The following AP2B1 variants were observed in gnomAD, a reference collection of about 807,000 sequenced individuals.
The protein encoded by AP2B1 is AP-2 complex subunit beta.
Under a neutral mutation model 102.0 loss-of-function variants are expected in AP2B1, and 23 were observed. The ratio of observed to expected loss-of-function variants is 0.23; its 90% confidence interval spans 0.16 to 0.32. The LOEUF is 0.32. Among genes scored for constraint, AP2B1 ranks in the 10% least tolerant of loss-of-function variants. The pLI is 1.00. For synonymous variants in AP2B1, 381 were observed against 421.2 expected, an observed-to-expected ratio of 0.90 and a Z score of 1.17; for missense variants, 541 against 1,157.4, an observed-to-expected ratio of 0.47 and a Z score of 7.73.
intron 2 of AP2B1, among the ~76,000 whole-genome samples, chr17:35,597,878 G>A (rs77578912): frequency 0.024 from 3,676 of 152,234 alleles, 135 homozygotes; most frequent in East Asian, 0.19. Context: ...CTACGTTTAT[G>A]TTCTCCTCCA....
intron 20 of AP2B1, among the ~76,000 whole-genome samples, chr17:35,713,249 A>G (rs782516194): frequency 3.3e-5 from 5 of 152,204 alleles, no homozygotes; most frequent in Non-Finnish European, 5.9e-5. Context: ...TCCAAATACC[A>G]ATGAATCAGA....
chr17:35,603,618 G>A (rs1394144538), intron 3 of AP2B1, among the ~76,000 whole-genome samples: 1 of 152,162 alleles, frequency 6.6e-6, no homozygotes, highest in Non-Finnish European at 1.5e-5. Flanking sequence ...TTCTAGGTCT[G>A]GAATTAGAAA....
At position 35,717,199 on chromosome 17, in the gene AP2B1, T is replaced by A. The variant is rs1313367763; in HGVS notation, c.2631T>A (p.Thr877=). Residue 877 remains threonine (T), a synonymous_variant, in exon 21 of 22, where the codon ACT becomes ACA. Coordinates refer to ENST00000610402, the MANE Select transcript of AP2B1 (RefSeq NM_001030006.2). ...ATTTTGAATCTGTATTTCTAGACAC[T>A]GTTTCCAGCAAGTTGCAAAACAACA... is the stretch of plus-strand genomic sequence containing the variant. ...QIKECHLNAD[T]VSSKLQNNNV... The A allele has an allele frequency of 6.2e-7, 1 of 1,613,668 alleles. No individual in the cohort carries two copies. The highest frequency in any genetic ancestry group is 1.3e-5 in the African/African-American group (1 of 74,932).
intron 18 of AP2B1, among the ~76,000 whole-genome samples, chr17:35,703,652 G>A (rs2076283523): frequency 6.6e-6 from 1 of 152,112 alleles, no homozygotes; most frequent in Admixed American, 6.6e-5. Flanking sequence ...ACACAAAGAG[G>A]GGAATAGCAC....
At chr17:35,672,397 T>G (rs951414070) in intron 16 of AP2B1, among the ~76,000 whole-genome samples, 2 of 152,206 alleles carry the variant, frequency 1.3e-5, no homozygotes, top group African/African-American at 4.8e-5. Context: ...TAACCTTACT[T>G]GATGTCACTC....
chr17:35,634,105 C>T (rs1470152098), intron 9 of AP2B1, among the ~76,000 whole-genome samples: 1 of 152,222 alleles, frequency 6.6e-6, no homozygotes, highest in Non-Finnish European at 1.5e-5. Flanking sequence ...CAAGATCATG[C>T]CACTGCATTC....
chr17:35,658,317 C>T (rs2075280958), intron 14 of AP2B1, among the ~76,000 whole-genome samples: 1 of 139,532 alleles, frequency 7.2e-6, no homozygotes, highest in Non-Finnish European at 1.5e-5. Flanking sequence ...ACCTTTATTA[C>T]AGTTGGGAAG....
intron 18 of AP2B1, among the ~76,000 whole-genome samples, chr17:35,685,271 G>A (rs2075907486): frequency 6.6e-6 from 1 of 152,232 alleles, no homozygotes; most frequent in African/African-American, 2.4e-5. Flanking sequence ...TCTACTTAGT[G>A]TATGCTGGTG....
At chr17:35,633,692 G>A (rs2074527510) in intron 9 of AP2B1, among the ~76,000 whole-genome samples, 1 of 152,144 alleles carries the variant, frequency 6.6e-6, no homozygotes, top group African/African-American at 2.4e-5. Context: ...AAGTAGTCCA[G>A]TGTGTATATC....
intron 1 of AP2B1, among the ~76,000 whole-genome samples, chr17:35,589,359 C>A (rs1457037637): frequency 6.6e-6 from 1 of 152,148 alleles, no homozygotes; most frequent in East Asian, 1.9e-4. Context: ...TTTGTAAAGT[C>A]CCACTTTGTG....
intron 14 of AP2B1, among the ~76,000 whole-genome samples, chr17:35,658,353 C>A (rs1314762976): frequency 6.7e-6 from 1 of 148,538 alleles, no homozygotes; most frequent in Admixed American, 6.8e-5. Context: ...TCTTTTTTTC[C>A]CTTCTTCCCC....
At chr17:35,616,963 A>C (rs1348817074) in intron 5 of AP2B1, among the ~76,000 whole-genome samples, 1 of 152,234 alleles carries the variant, frequency 6.6e-6, no homozygotes, top group Non-Finnish European at 1.5e-5. Flanking sequence ...CTTCTATCGT[A>C]GGATTGTTGT....
At chr17:35,676,790 C>CT (rs2075711259) in intron 17 of AP2B1, among the ~76,000 whole-genome samples, 1 of 28,800 alleles carries the variant, frequency 3.5e-5, no homozygotes, top group South Asian at 6.2e-4. Flanking sequence ...GCATATTGGT[C>CT]ATATATATCT....
intron 18 of AP2B1, among the ~76,000 whole-genome samples, chr17:35,704,397 T>G (rs777251977): frequency 6.6e-6 from 1 of 152,204 alleles, no homozygotes; most frequent in Non-Finnish European, 1.5e-5. Context: ...GATTCTGTTA[T>G]GTATATGAAT....
intron 5 of AP2B1, among the ~76,000 whole-genome samples, chr17:35,618,428 G>A (rs1204689324): frequency 1.3e-5 from 2 of 152,156 alleles, no homozygotes; most frequent in African/African-American, 4.8e-5. Context: ...CAAAATAATT[G>A]TAAATTGAGC....
rs376379072 is a variant in AP2B1 at position 35,671,795 on chromosome 17, T to C, written c.2073T>C (p.Phe691=). 5 of 1,614,030 alleles carry C rather than the reference T, an allele frequency of 3.1e-6. No homozygotes were observed. Among genetic ancestry groups the C allele is most frequent in the Non-Finnish European group, 4.2e-6 (5 of 1,179,920 alleles). The change falls in exon 16 of 22, where the codon TTT becomes TTC. Residue 691 remains phenylalanine (F), a synonymous_variant. Transcript: ENST00000610402. The part of the protein sequence containing the change: ...SFIPSSVPAT[F]APSPTPAVVS... ...TCCCATCATCGGTGCCTGCAACCTT[T>C]GCTCCTTCACCTACACCTGCTGTGG...
chr17:35,710,440 G>T (rs1161509759), intron 20 of AP2B1, 120 bp downstream of exon 20: 1 of 670,820 alleles, frequency 1.5e-6, no homozygotes, highest in East Asian at 2.7e-5. Context: ...TTTCTAGTGG[G>T]TATATATGGT....
chr17:35,684,683 G>T (rs1229969110), intron 18 of AP2B1, among the ~76,000 whole-genome samples: 1 of 152,150 alleles, frequency 6.6e-6, no homozygotes, highest in African/African-American at 2.4e-5. Flanking sequence ...GTGTTAAGGG[G>T]CTTTTCCAGC....
intron 18 of AP2B1, among the ~76,000 whole-genome samples, chr17:35,684,799 C>G (rs1034651458): frequency 1.3e-5 from 2 of 152,056 alleles, no homozygotes; most frequent in African/African-American, 4.8e-5. Flanking sequence ...TGAGGACAGT[C>G]AGCATGCACG....
Sources: allele counts gnomAD v4.1 joint callset (sites outside exome capture counted in the v4.1 genomes callset), GRCh38; gene constraint gnomAD v4.1.1; transcripts MANE v1.5; gene names NCBI Gene and HGNC (gene_info 2026-07-23, HGNC 2026-07-21).